The following NLGN1 variants were observed in gnomAD, a reference collection of about 807,000 sequenced individuals.
NLGN1 encodes the protein neuroligin-1.
Under a neutral mutation model 65.5 loss-of-function variants are expected in NLGN1, and 12 were observed. The observed-to-expected ratio is 0.18, with a 90% CI of 0.12 to 0.30. The LOEUF (loss-of-function observed/expected upper bound fraction) is 0.30. Among genes scored for constraint, NLGN1 ranks in the 10% least tolerant of loss-of-function variants. The probability of loss-of-function intolerance (pLI) is 1.00; values close to 1 mark genes in which losing one functional copy is unlikely to be tolerated. For synonymous variants in NLGN1, 350 were observed against 359.5 expected, an observed-to-expected ratio of 0.97 and a Z score of 0.30; for missense variants, 750 against 1,007.1, an observed-to-expected ratio of 0.74 and a Z score of 3.46.
At chr3:173,691,385 C>G (rs965485217) in intron 3 of NLGN1, among the ~76,000 whole-genome samples, 1 of 152,078 alleles carries the variant, frequency 6.6e-6, no homozygotes, top group African/African-American at 2.4e-5. Flanking sequence ...TCTGAATTCT[C>G]TCTTCTTAAT....
chr3:173,909,508 T>G (rs2152215818), intron 4 of NLGN1, among the ~76,000 whole-genome samples: 1 of 152,290 alleles, frequency 6.6e-6, no homozygotes, highest in South Asian at 2.1e-4. Context: ...GAAGACTCAC[T>G]TGTTCAATTT....
At chr3:173,918,350 G>A (rs561437175) in intron 4 of NLGN1, among the ~76,000 whole-genome samples, 26 of 152,080 alleles carry the variant, frequency 1.7e-4, no homozygotes, top group African/African-American at 5.8e-4. Flanking sequence ...AAAATGCATA[G>A]AATGGGCCGG....
chr3:173,576,534 G>A (rs560343316), intron 2 of NLGN1, among the ~76,000 whole-genome samples: 12 of 152,280 alleles, frequency 7.9e-5, no homozygotes, highest in African/African-American at 2.9e-4. Context: ...TCTAAGCTAA[G>A]AGTGTAGCAT....
At chr3:173,563,079 T>C (rs1006313672) in intron 2 of NLGN1, among the ~76,000 whole-genome samples, 2 of 152,200 alleles carry the variant, frequency 1.3e-5, no homozygotes, top group African/African-American at 4.8e-5. Context: ...TGCTATAAAA[T>C]GTTGCAGTGT....
At chr3:174,079,937 C>T (rs1161796635) in intron 4 of NLGN1, among the ~76,000 whole-genome samples, 1 of 152,086 alleles carries the variant, frequency 6.6e-6, no homozygotes, top group African/African-American at 2.4e-5. Context: ...CTAATGGGTA[C>T]TAGGCTTAAT....
intron 4 of NLGN1, among the ~76,000 whole-genome samples, chr3:173,855,168 TTCA>T (rs566271194): frequency 1.3e-5 from 2 of 152,252 alleles, no homozygotes; most frequent in Non-Finnish European, 2.9e-5. Context: ...GATTATGGTG[TTCA>T]TAAGAGTGGT....
chr3:174,198,033 T>G (rs1733792411), intron 4 of NLGN1, among the ~76,000 whole-genome samples: 1 of 152,158 alleles, frequency 6.6e-6, no homozygotes, highest in Non-Finnish European at 1.5e-5. Context: ...ACTTTTGTGT[T>G]GTACATTTGT....
At chr3:173,890,977 G>C (rs906278739) in intron 4 of NLGN1, among the ~76,000 whole-genome samples, 4 of 152,158 alleles carry the variant, frequency 2.6e-5, no homozygotes, top group African/African-American at 9.7e-5. Context: ...TTATCTTGAA[G>C]GGAATAATGT....
chr3:173,446,937 T>G (rs922373801), intron 2 of NLGN1, among the ~76,000 whole-genome samples: 1 of 152,230 alleles, frequency 6.6e-6, no homozygotes, highest in East Asian at 1.9e-4. Flanking sequence ...TAAATTTGTT[T>G]GAGTTCATTG....
chr3:174,124,152 C>T (rs932904074), intron 4 of NLGN1, among the ~76,000 whole-genome samples: 3 of 151,974 alleles, frequency 2.0e-5, no homozygotes, highest in African/African-American at 4.8e-5. Context: ...ACCAAATGTC[C>T]GGCATTTTAA....
chr3:173,450,695 A>C (rs1033568394), intron 2 of NLGN1, among the ~76,000 whole-genome samples: 1 of 152,218 alleles, frequency 6.6e-6, no homozygotes, highest in South Asian at 2.1e-4. Flanking sequence ...ACTTTCAGGT[A>C]CAACAATCAG....
chr3:173,403,247 A>G lies in NLGN1; in HGVS notation c.-390+4760A>G, dbSNP rs185453673. Among the ~76,000 whole-genome samples the G allele has an allele frequency of 2.0e-3, 303 of 152,272 alleles. 4 individuals carry two copies. Among genetic ancestry groups the G allele is most frequent in the African/African-American group, 6.9e-3 (287 of 41,570 alleles). Reference sequence around the variant, plus strand: ...TGCGTAAAATTACAAATACTAAATTATACTATATTACATGTCTAAATTATA... The same window carrying G: ...TGCGTAAAATTACAAATACTAAATTGTACTATATTACATGTCTAAATTATA... On this transcript the variant is annotated intron_variant, in intron 1 of 6. Transcript: ENST00000457714.
At chr3:173,650,419 G>C (rs1180228595) in intron 3 of NLGN1, among the ~76,000 whole-genome samples, 3 of 152,128 alleles carry the variant, frequency 2.0e-5, no homozygotes, top group Admixed American at 2.0e-4. Flanking sequence ...TTCTGTTGTG[G>C]AAGATAATAC....
At position 174,098,866 on chromosome 3, in the gene NLGN1, G is replaced by A. The variant is rs75881230; in HGVS notation, c.647-176449G>A. ...TTGTAAGCAAACACCAAAAAAGTGAGTAATGCCTTAAAAATGCATAAGCCA... is the reference window on the plus strand; with the variant it reads ...TTGTAAGCAAACACCAAAAAAGTGAATAATGCCTTAAAAATGCATAAGCCA... On this transcript the variant is annotated intron_variant, in intron 4 of 6. Transcript: ENST00000457714. Among the ~76,000 whole-genome samples, 1,133 of 152,244 alleles carry A rather than the reference G, an allele frequency of 7.4e-3. 15 individuals are homozygous for A. Among genetic ancestry groups the A allele is most frequent in the African/African-American group, 0.026 (1,063 of 41,542 alleles).
rs11921706 is a variant in NLGN1, at chr3:174,280,411, G to A, written c.1650-70G>A. On this transcript the variant is annotated intron_variant, in intron 6 of 6. Transcript: ENST00000457714. The surrounding 1 kb of genome is among the most constrained non-coding windows in gnomAD (Gnocchi z 4.9). ...TGAGTCATCTATTTAATTATTAGAT[G>A]TTAAAGTAGTGTGATTTTAAGTAAA... The A allele has an allele frequency of 4.5e-3, 4,650 of 1,042,316 alleles. 140 individuals are homozygous for A. In the African/African-American group the frequency reaches 0.067, roughly 15 times the overall value. The allele number at this position is 1,042,316 out of a possible 1,614,324, so 64.6% of individuals were successfully genotyped here. A position where few individuals can be genotyped will look rare whatever the true frequency, so the allele number is the denominator to read the frequency against.
intron 2 of NLGN1, among the ~76,000 whole-genome samples, chr3:173,517,614 G>A (rs779345064): frequency 6.6e-6 from 1 of 152,058 alleles, no homozygotes; most frequent in Non-Finnish European, 1.5e-5. Context: ...GACAATTCCT[G>A]TGATTAGTTT....
At chr3:173,611,261 C>T (rs1488605455) in intron 3 of NLGN1, among the ~76,000 whole-genome samples, 2 of 151,998 alleles carry the variant, frequency 1.3e-5, no homozygotes, top group Non-Finnish European at 1.5e-5. Context: ...GCAACAGCCT[C>T]GTGAGGTTCT....
At chr3:174,080,577 G>A (rs1359991893) in intron 4 of NLGN1, among the ~76,000 whole-genome samples, 1 of 152,084 alleles carries the variant, frequency 6.6e-6, no homozygotes, top group Non-Finnish European at 1.5e-5. Flanking sequence ...TGCAAGTTCA[G>A]TGGCCAGTGT....
chr3:173,713,684 T>G (rs1769372972), intron 3 of NLGN1, among the ~76,000 whole-genome samples: 1 of 152,136 alleles, frequency 6.6e-6, no homozygotes, highest in Non-Finnish European at 1.5e-5. Flanking sequence ...AAGTTGAAAT[T>G]AATGATAGTA....
Sources: allele counts gnomAD v4.1 joint callset (sites outside exome capture counted in the v4.1 genomes callset), GRCh38; gene constraint gnomAD v4.1.1; non-coding constraint Gnocchi (gnomAD v3.1); transcripts MANE v1.5; gene names NCBI Gene and HGNC (gene_info 2026-07-23, HGNC 2026-07-21).